Variants in ADAMTSL1 observed in about 807,000 individuals in gnomAD.
The protein encoded by ADAMTSL1 is ADAMTS like 1.
Under a neutral mutation model 201.8 loss-of-function variants are expected in ADAMTSL1, and 126 were observed. The ratio of observed to expected loss-of-function variants is 0.62; its 90% CI spans 0.54 to 0.72. The LOEUF (loss-of-function observed/expected upper bound fraction) is 0.72, where lower values mean the gene tolerates loss of function less well. Ranked by LOEUF, ADAMTSL1 falls within the 30% of genes least tolerant of loss-of-function variation. The pLI is 0.00. For synonymous variants in ADAMTSL1, 1,121 were observed against 903.4 expected (o/e 1.24, Z -4.32); for missense variants, 2,679 against 2,277.8 (o/e 1.18, Z -3.59).
chr9:18,811,219 T>A (rs1823490629), intron 20 of ADAMTSL1, among the ~76,000 whole-genome samples: 3 of 152,050 alleles, frequency 2.0e-5, no homozygotes, highest in Admixed American at 2.0e-4. Flanking sequence ...CCAGCCAGCC[T>A]CAAATGAGGT....
At position 18,254,985 on chromosome 9, in the gene ADAMTSL1, A is replaced by AT. The variant is rs148469108; in HGVS notation, c.207+91010dup. Among the ~76,000 whole-genome samples the AT allele has an allele frequency of 6.1e-3, 928 of 152,076 alleles. 12 individuals are homozygous for AT. Among genetic ancestry groups the AT allele is most frequent in the East Asian group, 0.035 (183 of 5,162 alleles). On this transcript the variant is annotated intron_variant, in intron 2 of 29. Transcript: ENST00000680146. ...CTGCGTTTGATGATCTATAGGTTATATTTTTTCTGTATTTAAAGTGTGACC... is the reference window on the plus strand; with the variant it reads ...CTGCGTTTGATGATCTATAGGTTATATTTTTTTCTGTATTTAAAGTGTGACC...
chr9:18,772,498 TCAAAGA>T (rs543500868), intron 17 of ADAMTSL1, among the ~76,000 whole-genome samples: 44 of 152,298 alleles, frequency 2.9e-4, no homozygotes, highest in African/African-American at 1.0e-3. Context: ...GAGTTCAGAC[TCAAAGA>T]CAGGCAAACC....
At chr9:18,090,380 A>G (rs943748571) in intron 1 of ADAMTSL1, among the ~76,000 whole-genome samples, 6 of 152,220 alleles carry the variant, frequency 3.9e-5, no homozygotes, top group East Asian at 1.9e-4. Flanking sequence ...AATAAACAAA[A>G]TAGGGTATAT....
At chr9:18,592,844 A>G (rs1035370146) in intron 4 of ADAMTSL1, among the ~76,000 whole-genome samples, 5 of 152,204 alleles carry the variant, frequency 3.3e-5, no homozygotes, top group South Asian at 4.1e-4. Context: ...TGATTCTTCC[A>G]ATCCATGAAC....
chr9:18,055,916 T>C (rs1822160285), intron 1 of ADAMTSL1, among the ~76,000 whole-genome samples: 1 of 152,238 alleles, frequency 6.6e-6, no homozygotes, highest in Non-Finnish European at 1.5e-5. Flanking sequence ...CTTTCAGGTT[T>C]AGTTTTTAAA....
chr9:18,496,263 T>C (rs1822530486), intron 1 of ADAMTSL1, among the ~76,000 whole-genome samples: 1 of 152,204 alleles, frequency 6.6e-6, no homozygotes, highest in Non-Finnish European at 1.5e-5. Flanking sequence ...CATTCCACTT[T>C]TTCTGAGTAA....
chr9:18,046,266 C>T (rs1821652790), intron 1 of ADAMTSL1, among the ~76,000 whole-genome samples: 1 of 152,184 alleles, frequency 6.6e-6, no homozygotes, highest in Non-Finnish European at 1.5e-5. Flanking sequence ...TTGTTTCAGT[C>T]TTGCTACTAG....
rs1809422933 is a variant in ADAMTSL1 at position 18,213,766 on chromosome 9, G to T, written c.207+49785G>T. On this transcript the variant is annotated intron_variant, in intron 2 of 29. Transcript: ENST00000680146. ...AATTTTTTTTTGTCCTTGAGACAGA[G>T]TCTCGCTCTGTCGCCCAGGCTGGAG... Among the ~76,000 whole-genome samples the T allele has an allele frequency of 4.6e-5, 7 of 152,232 alleles. No individual in the cohort carries two copies. In the South Asian group the frequency reaches 1.2e-3, roughly 27 times the overall value.
chr9:18,164,082 A>C (rs1213330169), intron 2 of ADAMTSL1: 1 of 151,832 alleles, frequency 6.6e-6, no homozygotes, highest in African/African-American at 2.4e-5. Flanking sequence ...AGAGGTTTGG[A>C]TGGTATTTTC....
At chr9:18,667,799 G>T (rs1056776383) in intron 9 of ADAMTSL1, among the ~76,000 whole-genome samples, 1 of 152,136 alleles carries the variant, frequency 6.6e-6, no homozygotes. Context: ...TTCTGTATGG[G>T]TCTAGAAAGA....
chr9:18,105,685 G>C (rs1180531042), intron 1 of ADAMTSL1, among the ~76,000 whole-genome samples: 1 of 152,150 alleles, frequency 6.6e-6, no homozygotes, highest in Non-Finnish European at 1.5e-5. Context: ...TAAAGGATAT[G>C]GGGCTGTTTC....
Position 18,351,975 on chromosome 9 carries a change from C to T in ADAMTSL1, c.208-152854C>T, listed in dbSNP as rs544378173. Reference sequence around the variant, plus strand: ...GTTGTTTAATTACAGTCAATCACTCCGTAATTTGTAGCTTCTTTTAGAGTC... The same window carrying T: ...GTTGTTTAATTACAGTCAATCACTCTGTAATTTGTAGCTTCTTTTAGAGTC... On this transcript the variant is annotated intron_variant, in intron 2 of 29. Coordinates refer to the ADAMTSL1 transcript ENST00000680146. Among the ~76,000 whole-genome samples the T allele has an allele frequency of 3.9e-5, 6 of 152,122 alleles. No homozygotes were observed. In the South Asian group the frequency reaches 1.0e-3, roughly 26 times the overall value.
chr9:18,469,983 T>G (rs770107724), upstream of ADAMTSL1, among the ~76,000 whole-genome samples: 4 of 152,226 alleles, frequency 2.6e-5, no homozygotes, highest in Non-Finnish European at 4.4e-5. Flanking sequence ...CCCATAGAGT[T>G]GTTGTAAGGA....
intron 4 of ADAMTSL1, among the ~76,000 whole-genome samples, chr9:18,616,950 A>G (rs1316403928): frequency 6.6e-6 from 1 of 152,220 alleles, no homozygotes; most frequent in Non-Finnish European, 1.5e-5. Context: ...AGGATAATCC[A>G]TGTAAACCAC....
intron 17 of ADAMTSL1, among the ~76,000 whole-genome samples, chr9:18,772,347 T>C (rs1316837777): frequency 6.6e-6 from 1 of 152,188 alleles, no homozygotes; most frequent in Non-Finnish European, 1.5e-5. Context: ...CTTTGAAGCA[T>C]ATGAGACAGA....
intron 1 of ADAMTSL1, among the ~76,000 whole-genome samples, chr9:18,051,521 GAA>G (rs1294693883): frequency 1.3e-5 from 2 of 151,792 alleles, no homozygotes; most frequent in Non-Finnish European, 2.9e-5. Context: ...GAGAAAAAAG[GAA>G]AGATACAGAC....
chr9:18,841,178 ATAGT>A (rs1286353080), intron 23 of ADAMTSL1, among the ~76,000 whole-genome samples: 3,979 of 152,160 alleles, frequency 0.026, 179 homozygotes, highest in African/African-American at 0.091. Flanking sequence ...TGGGTTTGTC[ATAGT>A]TAGTTCTTAT....
intron 13 of ADAMTSL1, among the ~76,000 whole-genome samples, chr9:18,702,898 G>A (rs1246973634): frequency 6.6e-6 from 1 of 151,952 alleles, no homozygotes; most frequent in Non-Finnish European, 1.5e-5. Context: ...GAGTAGCTGG[G>A]ATTACAGGTG....
chr9:18,272,535 A>T (rs1194420374), intron 2 of ADAMTSL1, among the ~76,000 whole-genome samples: 1 of 152,236 alleles, frequency 6.6e-6, no homozygotes, highest in African/African-American at 2.4e-5. Context: ...ACCATTCAGG[A>T]CATAGGCATG....
Sources: gnomAD v4.1 joint callset for allele counts (sites outside exome capture counted in the v4.1 genomes callset) on GRCh38, gnomAD v4.1.1 for gene constraint, MANE v1.5 for transcripts, NCBI Gene and HGNC (gene_info 2026-07-23, HGNC 2026-07-21) for gene names.